PPFIA2: variants seen among roughly 807,000 people sequenced by gnomAD.
PPFIA2 encodes the protein PPFI scaffold protein A2, also known as liprin-alpha-2.
In PPFIA2, 46 loss-of-function variants were observed where a neutral mutation model predicts 175.5. The observed-to-expected ratio is 0.26, with a 90% confidence interval of 0.21 to 0.34. The LOEUF (loss-of-function observed/expected upper bound fraction) is 0.34. Ranked by LOEUF, PPFIA2 falls within the 10% of genes least tolerant of loss-of-function variation. PPFIA2 has a pLI of 1.00. For missense variants in PPFIA2, 1,179 were observed against 1,506.1 expected (o/e 0.78, Z 3.60); for synonymous variants, 568 against 511.4 (o/e 1.11, Z -1.49).
chr12:81,752,059 G>A (rs1182243838), intron 3 of PPFIA2, among the ~76,000 whole-genome samples: 1 of 152,204 alleles, frequency 6.6e-6, no homozygotes, highest in Non-Finnish European at 1.5e-5. Flanking sequence ...AGTCTTACAT[G>A]TAGGATCAGA....
rs143033407 is a variant in PPFIA2, at chr12:81,638,632, G to A, written c.303+38159C>T. Among the ~76,000 whole-genome samples, 98 of 149,252 alleles carry A rather than the reference G, an allele frequency of 6.6e-4. 3 individuals are homozygous for A. The East Asian group carries it at 0.014, about 21-fold the overall frequency. ...TTTCTTAGGGTTCTGTACCTAGTAT[G>A]GTAAAATAGAGACTGTAATTTCAGA... On this transcript the variant is annotated intron_variant, in intron 4 of 32. Transcript: ENST00000549396.
intron 3 of PPFIA2, among the ~76,000 whole-genome samples, chr12:81,680,196 AACCATATTGCAT>A (rs2153574830): frequency 6.6e-6 from 1 of 152,124 alleles, no homozygotes; most frequent in Admixed American, 6.6e-5. Context: ...GAATTTATTT[AACCATATTGCAT>A]ACCATATTGA....
intron 3 of PPFIA2, among the ~76,000 whole-genome samples, chr12:81,715,148 ACATT>A (rs2078433177): frequency 6.7e-6 from 1 of 149,960 alleles, no homozygotes; most frequent in Non-Finnish European, 1.5e-5. Flanking sequence ...CCTGGAACAT[ACATT>A]CAAATTTCTC....
chr12:81,266,970 A>T lies in PPFIA2; in HGVS notation c.3537T>A (p.Thr1179=). ...GACTTACTTCATCCAGTCGCCTTTC[A>T]GTTCCCAGGGCCAAGAGGTTATTGT... ...REYNNLLALG[T]ERRLDESDDK... Residue 1179 remains threonine (T), a synonymous_variant, in exon 30 of 33, where the codon ACT becomes ACA. Transcript: ENST00000549396. The T allele has an allele frequency of 1.2e-6, 2 of 1,612,902 alleles. No homozygotes were observed. Among genetic ancestry groups the T allele is most frequent in the Non-Finnish European group, 1.7e-6 (2 of 1,179,168 alleles).
chr12:81,368,076 T>A (rs775127253), intron 13 of PPFIA2: 2 of 1,271,814 alleles, frequency 1.6e-6, no homozygotes, highest in Non-Finnish European at 2.1e-6. Context: ...TCTAAAATGA[T>A]GTGATCATCC....
chr12:81,709,141 T>C (rs1213593627), intron 3 of PPFIA2, among the ~76,000 whole-genome samples: 1 of 152,144 alleles, frequency 6.6e-6, no homozygotes, highest in Non-Finnish European at 1.5e-5. Context: ...GGCTTCTTTC[T>C]GCCCAGCTCT....
intron 18 of PPFIA2, among the ~76,000 whole-genome samples, chr12:81,345,301 C>T (rs925842013): frequency 6.6e-6 from 1 of 152,098 alleles, no homozygotes; most frequent in Non-Finnish European, 1.5e-5. Flanking sequence ...GTGTTAAGGA[C>T]TTCCTGGATT....
At chr12:81,422,951 G>A (rs550322795) in intron 7 of PPFIA2, among the ~76,000 whole-genome samples, 112 of 152,026 alleles carry the variant, frequency 7.4e-4, no homozygotes, top group African/African-American at 2.6e-3. Context: ...ACATTACAAC[G>A]AATGCCTAAA....
intron 15 of PPFIA2, among the ~76,000 whole-genome samples, chr12:81,362,175 TTC>T (rs1314439673): frequency 1.3e-5 from 2 of 151,014 alleles, no homozygotes; most frequent in Non-Finnish European, 3.0e-5. Context: ...TCTGATTCAT[TTC>T]TCTTTTCCTC....
At chr12:81,706,322 TC>T (rs1390343630) in intron 3 of PPFIA2, among the ~76,000 whole-genome samples, 4 of 152,206 alleles carry the variant, frequency 2.6e-5, no homozygotes. Flanking sequence ...TATGGTTCCA[TC>T]TAGGGAGGCT....
chr12:81,261,613 A>T (rs569381745), intron 32 of PPFIA2, among the ~76,000 whole-genome samples: 198 of 152,286 alleles, frequency 1.3e-3, no homozygotes, highest in Admixed American at 4.0e-3. Flanking sequence ...AGGATTTTTT[A>T]AAGTGCTGAA....
At position 81,299,285 on chromosome 12, in the gene PPFIA2, A is replaced by G. The variant is rs947616235; in HGVS notation, c.2724+16T>C. 2.5e-6 allele frequency: 4 copies of G among 1,579,586 alleles called. No homozygotes were observed. The African/African-American group carries it at 4.0e-5, about 16-fold the overall frequency. ...GTAGTGATTGATTCAAGGGCCTCCTAGTTTCATTCTCTTACCTCTAGCCAT... is the reference window on the plus strand; with the variant it reads ...GTAGTGATTGATTCAAGGGCCTCCTGGTTTCATTCTCTTACCTCTAGCCAT... On this transcript the variant is annotated intron_variant, in intron 23 of 32. Transcript: ENST00000549396.
intron 4 of PPFIA2, among the ~76,000 whole-genome samples, chr12:81,525,784 A>G (rs2063664548): frequency 6.6e-6 from 1 of 152,182 alleles, no homozygotes; most frequent in South Asian, 2.1e-4. Context: ...CTGGACATGA[A>G]AAACTGTTGC....
chr12:81,499,221 C>T (rs2060339078), intron 4 of PPFIA2, among the ~76,000 whole-genome samples: 1 of 152,142 alleles, frequency 6.6e-6, no homozygotes, highest in South Asian at 2.1e-4. Flanking sequence ...TGCACCATTC[C>T]ACATCTGTTC....
chr12:81,341,112 T>C lies in PPFIA2; in HGVS notation c.2359A>G (p.Thr787Ala). Residue 787 changes from threonine (T) to alanine (A), a missense_variant, in exon 20 of 33, where the codon ACT becomes GCT. Physicochemically the swap from Thr to Ala is moderately conservative, Grantham distance 58 (BLOSUM62 0). Coordinates refer to ENST00000549396, the MANE Select transcript of PPFIA2 (RefSeq NM_003625.5). ...PTPRALRMTH[T>A]LPSSYHNDAR... ...TCATTGTGGTAGGAAGAAGGGAGAG[T>C]GTGAGTCATTCTGAGGGCTCTAGGG... 1 of 1,610,766 alleles carries C rather than the reference T, an allele frequency of 6.2e-7. No individual in the cohort carries two copies. The highest frequency in any genetic ancestry group is 8.5e-7 in the Non-Finnish European group (1 of 1,177,550).
intron 4 of PPFIA2, among the ~76,000 whole-genome samples, chr12:81,584,670 C>T (rs1468696191): frequency 1.3e-5 from 2 of 149,930 alleles, no homozygotes; most frequent in Non-Finnish European, 3.0e-5. Context: ...ACCTGTACAG[C>T]ATGCTACTGT....
rs535748924 is a variant in PPFIA2 at position 81,280,714 on chromosome 12, C to A, written c.3212+543G>T. 2.6e-5 allele frequency among the ~76,000 whole-genome samples: 4 copies of A among 151,978 alleles called. No homozygotes were observed. The East Asian group carries it at 7.7e-4, about 29-fold the overall frequency. On this transcript the variant is annotated intron_variant, in intron 27 of 32. Transcript: ENST00000549396. ...GACATTGCCTTTTGTTCAACTGCAT[C>A]CTCACAGTTATCTAACACAGTATTG... is the stretch of plus-strand genomic sequence containing the variant.
intron 22 of PPFIA2, among the ~76,000 whole-genome samples, chr12:81,309,168 G>A (rs2050082823): frequency 6.6e-6 from 1 of 152,056 alleles, no homozygotes; most frequent in Non-Finnish European, 1.5e-5. Context: ...GCTTTCAAGA[G>A]GGTAAATAGG....
intron 4 of PPFIA2, among the ~76,000 whole-genome samples, chr12:81,646,736 G>C (rs532803088): frequency 6.6e-6 from 1 of 152,110 alleles, no homozygotes; most frequent in East Asian, 1.9e-4. Context: ...ACTACTTTCT[G>C]CTAACTCAAA....
Sources: gnomAD v4.1 joint callset for allele counts (sites outside exome capture counted in the v4.1 genomes callset) on GRCh38, gnomAD v4.1.1 for gene constraint, MANE v1.5 for transcripts, NCBI Gene and HGNC (gene_info 2026-07-23, HGNC 2026-07-21) for gene names.